Variants in PHF24 observed in about 807,000 individuals in gnomAD.
The protein encoded by PHF24 is Galpha inhibitory interacting protein.
Under a neutral mutation model 42.6 loss-of-function variants are expected in PHF24, and 25 were observed. The observed-to-expected ratio is 0.59, with a 90% confidence interval of 0.43 to 0.82. PHF24 has a LOEUF of 0.82. PHF24 is among the 40% of genes least tolerant of loss of function. The pLI is 0.00. For missense variants in PHF24, 470 were observed against 538.1 expected, an observed-to-expected ratio of 0.87 and a Z score of 1.25; for synonymous variants, 185 against 204.8, an observed-to-expected ratio of 0.90 and a Z score of 0.83.
At chr9:34,674,669 T>C in the PHF24 span, among the ~76,000 whole-genome samples, 1 of 152,272 alleles carries the variant, frequency 6.6e-6, no homozygotes, top group Non-Finnish European at 1.5e-5. Flanking sequence ...TGTTTTATTA[T>C]TGGGAACATG....
the PHF24 span, among the ~76,000 whole-genome samples, chr9:34,920,327 T>C: frequency 4.6e-5 from 7 of 152,212 alleles, no homozygotes; most frequent in East Asian, 3.8e-4. Context: ...TGTAGATGTA[T>C]GCATTTGTTT....
the PHF24 span, among the ~76,000 whole-genome samples, chr9:34,842,477 A>C: frequency 6.6e-6 from 1 of 152,244 alleles, no homozygotes; most frequent in South Asian, 2.1e-4. Flanking sequence ...GCTTTTGGGG[A>C]GGTGATTAGG....
chr9:34,763,847 C>T, the PHF24 span, among the ~76,000 whole-genome samples: 3 of 152,142 alleles, frequency 2.0e-5, no homozygotes, highest in Non-Finnish European at 4.4e-5. Flanking sequence ...TCATAAATAG[C>T]TCTTATTATT....
the PHF24 span, among the ~76,000 whole-genome samples, chr9:34,679,522 C>G: frequency 5.3e-5 from 8 of 152,212 alleles, no homozygotes; most frequent in African/African-American, 1.9e-4. Flanking sequence ...CGAGACCATC[C>G]TGGCCAACAT....
the PHF24 span, among the ~76,000 whole-genome samples, chr9:34,803,639 A>C: frequency 6.6e-6 from 1 of 152,154 alleles, no homozygotes; most frequent in African/African-American, 2.4e-5. Flanking sequence ...TCAGACTGTT[A>C]ATATTCTAAG....
chr9:34,853,130 T>C, the PHF24 span, among the ~76,000 whole-genome samples: 1 of 152,220 alleles, frequency 6.6e-6, no homozygotes, highest in Non-Finnish European at 1.5e-5. Flanking sequence ...TTTTGAGGTA[T>C]GTTCCTTCAG....
the PHF24 span, among the ~76,000 whole-genome samples, chr9:34,844,928 C>T: frequency 6.6e-6 from 1 of 152,054 alleles, no homozygotes; most frequent in African/African-American, 2.4e-5. Flanking sequence ...GGTATGAAGT[C>T]CCCTACTGTT....
chr9:34,703,856 G>A, the PHF24 span, among the ~76,000 whole-genome samples: 7 of 151,736 alleles, frequency 4.6e-5, no homozygotes, highest in Admixed American at 1.3e-4. Flanking sequence ...GTGTGCCACC[G>A]CACCTGGCCG....
At chr9:34,684,723 G>A in the PHF24 span, among the ~76,000 whole-genome samples, 5 of 152,190 alleles carry the variant, frequency 3.3e-5, no homozygotes, top group African/African-American at 4.8e-5. Flanking sequence ...TGAGGTCGAC[G>A]TGGTGATTGG....
chr9:34,853,027 C>T, the PHF24 span, among the ~76,000 whole-genome samples: 52 of 152,224 alleles, frequency 3.4e-4, no homozygotes, highest in African/African-American at 1.2e-3. Context: ...AGAGGGCATC[C>T]TTGTCTTGTG....
At chr9:34,865,898 C>G in the PHF24 span, among the ~76,000 whole-genome samples, 1 of 152,232 alleles carries the variant, frequency 6.6e-6, no homozygotes, top group African/African-American at 2.4e-5. Context: ...TGGGGCCTCT[C>G]CAGTGTAGCT....
the PHF24 span, chr9:34,922,762 C>T: frequency 6.3e-7 from 1 of 1,591,944 alleles, no homozygotes. Context: ...GACCTACGGG[C>T]TCCTACAACA....
the PHF24 span, among the ~76,000 whole-genome samples, chr9:34,939,233 C>G: frequency 6.6e-6 from 1 of 151,980 alleles, no homozygotes; most frequent in Non-Finnish European, 1.5e-5. Flanking sequence ...GAGCCAAGAT[C>G]GTGCCATTGC....
At chr9:34,907,016 G>C in the PHF24 span, among the ~76,000 whole-genome samples, 1 of 152,076 alleles carries the variant, frequency 6.6e-6, no homozygotes, top group Non-Finnish European at 1.5e-5. Context: ...CATAGAGACA[G>C]GTTGTCTACT....
chr9:34,735,565 C>A, the PHF24 span, among the ~76,000 whole-genome samples: 3 of 151,676 alleles, frequency 2.0e-5, no homozygotes, highest in Non-Finnish European at 4.4e-5. Flanking sequence ...CTTTGGGAGG[C>A]CTTGGCTGGT....
chr9:34,880,847 C>A, the PHF24 span, among the ~76,000 whole-genome samples: 1 of 152,132 alleles, frequency 6.6e-6, no homozygotes, highest in Non-Finnish European at 1.5e-5. Flanking sequence ...CAGCTCTGCA[C>A]CAAGCAGACC....
At chr9:34,784,193 T>A in the PHF24 span, among the ~76,000 whole-genome samples, 36 of 152,194 alleles carry the variant, frequency 2.4e-4, no homozygotes, top group African/African-American at 7.5e-4. Context: ...GGTGGAGGCG[T>A]CTTGCCTAGT....
At chr9:34,961,493 T>C (rs985899266) in intron 1 of PHF24, among the ~76,000 whole-genome samples, 1 of 152,244 alleles carries the variant, frequency 6.6e-6, no homozygotes, top group Non-Finnish European at 1.5e-5. Flanking sequence ...CCAGGCACTA[T>C]GCTAGATAAA....
At position 34,977,017 on chromosome 9, in the gene PHF24, G is replaced by A. The variant is rs144451392; in HGVS notation, c.850-66G>A. The stretch of plus-strand genomic sequence containing the variant: ...GTTGCAAAGGTGGTAATGGAGATAG[G>A]ATTCTCTATGGCTTGGCAGTTTACA... On this transcript the variant is annotated intron_variant, in intron 5 of 7. Coordinates refer to ENST00000242315, the Ensembl canonical transcript of PHF24. The A allele has an allele frequency of 6.5e-3, 9,837 of 1,502,198 alleles. 43 individuals carry two copies. The highest frequency in any genetic ancestry group is 8.0e-3 in the Non-Finnish European group (8,995 of 1,118,042). 93.1% of individuals were successfully genotyped at this position (1,502,198 alleles called of 1,614,324 possible).
Sources: gnomAD v4.1 joint callset for allele counts (sites outside exome capture counted in the v4.1 genomes callset) on GRCh38, gnomAD v4.1.1 for gene constraint, MANE v1.5 for transcripts, NCBI Gene and HGNC (gene_info 2026-07-23, HGNC 2026-07-21) for gene names.